Variants in CYP2J2 observed in about 807,000 individuals in gnomAD.
CYP2J2 encodes cytochrome P450 2J2.
A neutral mutation model predicts 48.8 loss-of-function variants in CYP2J2; 41 were observed. The ratio of observed to expected loss-of-function variants is 0.84; its 90% CI spans 0.66 to 1.09. The LOEUF (loss-of-function observed/expected upper bound fraction) is 1.09, where lower values mean the gene tolerates loss of function less well. Among genes scored for constraint, CYP2J2 ranks in the 50% least tolerant of loss-of-function variants. The pLI is 0.00. For synonymous variants in CYP2J2, 221 were observed against 227.1 expected (o/e 0.97, Z 0.24); for missense variants, 644 against 617.3 (o/e 1.04, Z -0.46).
the CYP2J2 span, among the ~76,000 whole-genome samples, chr1:59,967,220 C>A: frequency 1.3e-5 from 2 of 152,274 alleles, no homozygotes; most frequent in South Asian, 4.2e-4. Flanking sequence ...AGGAACAAAT[C>A]TCCAGGCCAT....
intron 8 of CYP2J2, among the ~76,000 whole-genome samples, chr1:59,896,201 A>G (rs1276464502): frequency 1.3e-5 from 2 of 152,066 alleles, no homozygotes; most frequent in African/African-American, 4.8e-5. Flanking sequence ...ATTGCTCTCC[A>G]GATGTTGTTG....
the CYP2J2 span, among the ~76,000 whole-genome samples, chr1:59,949,601 C>T: frequency 2.0e-5 from 3 of 151,928 alleles, no homozygotes; most frequent in Non-Finnish European, 4.4e-5. Flanking sequence ...TCCATAAAGT[C>T]TCAAACAATT....
chr1:59,922,167 C>T (rs1252470875), intron 1 of CYP2J2, among the ~76,000 whole-genome samples: 2 of 152,194 alleles, frequency 1.3e-5, no homozygotes, highest in Non-Finnish European at 2.9e-5. Flanking sequence ...GCACTGCAGG[C>T]TGCTGGCCAG....
chr1:59,901,223 C>G, intron 7 of CYP2J2, 120 bp from the exon 8 acceptor site: 1 of 991,130 alleles, frequency 1.0e-6, no homozygotes, highest in Non-Finnish European at 1.5e-6. Context: ...CCACCCTCCC[C>G]AATTGTGGTA....
intron 1 of CYP2J2, among the ~76,000 whole-genome samples, chr1:59,925,937 C>T (rs1342219389): frequency 6.6e-6 from 1 of 152,148 alleles, no homozygotes; most frequent in Non-Finnish European, 1.5e-5. Flanking sequence ...TCACCAGAGT[C>T]GGGGAGCCCT....
At chr1:59,916,994 T>C (rs1644471933) in intron 1 of CYP2J2, among the ~76,000 whole-genome samples, 2 of 151,988 alleles carry the variant, frequency 1.3e-5, no homozygotes, top group Non-Finnish European at 2.9e-5. Flanking sequence ...TAATACGAGG[T>C]GCATTTTAGG....
At chr1:59,955,279 CAT>C in the CYP2J2 span, among the ~76,000 whole-genome samples, 298 of 103,966 alleles carry the variant, frequency 2.9e-3, 1 homozygote, top group African/African-American at 9.1e-3. Context: ...TATATATATC[CAT>C]ATATATATAT....
rs1644364384 is a variant in CYP2J2 at position 59,906,330 on chromosome 1, G to C, written c.1004-1272C>G. On this transcript the variant is annotated intron_variant, in intron 6 of 8. Coordinates refer to ENST00000371204, the MANE Select transcript of CYP2J2 (RefSeq NM_000775.4). ...TCCTTCCCCCTTTTGCTTCCTACTGGTGGAAAGCCTATTGGTGAGCCGTCT... is the reference window on the plus strand; with the variant it reads ...TCCTTCCCCCTTTTGCTTCCTACTGCTGGAAAGCCTATTGGTGAGCCGTCT... Among the ~76,000 whole-genome samples the C allele has an allele frequency of 2.6e-5, 4 of 152,232 alleles. No homozygotes were observed. The South Asian group carries it at 8.3e-4, about 32-fold the overall frequency.
At chr1:59,955,624 T>A in the CYP2J2 span, among the ~76,000 whole-genome samples, 1 of 152,060 alleles carries the variant, frequency 6.6e-6, no homozygotes, top group Non-Finnish European at 1.5e-5. Context: ...ACATCACCAA[T>A]GAGGGACACA....
the CYP2J2 span, among the ~76,000 whole-genome samples, chr1:59,933,594 C>CT: frequency 2.0e-5 from 3 of 152,042 alleles, no homozygotes; most frequent in Non-Finnish European, 2.9e-5. Context: ...TGTGTGGAAT[C>CT]TTTAGAGTTT....
the CYP2J2 span, among the ~76,000 whole-genome samples, chr1:59,969,088 G>A: frequency 2.0e-5 from 3 of 152,208 alleles, no homozygotes; most frequent in African/African-American, 4.8e-5. Flanking sequence ...GAGTGAAGCT[G>A]CAGACCTTCG....
chr1:59,963,740 T>C, the CYP2J2 span, among the ~76,000 whole-genome samples: 2 of 152,170 alleles, frequency 1.3e-5, no homozygotes, highest in African/African-American at 4.8e-5. Context: ...GCCTCAAGTG[T>C]AGCCCTGGAT....
chr1:59,900,307 C>T (rs1383861897), intron 8 of CYP2J2, among the ~76,000 whole-genome samples: 2 of 152,142 alleles, frequency 1.3e-5, no homozygotes, highest in Non-Finnish European at 2.9e-5. Context: ...TTAAAAAGAA[C>T]TGAGGACATT....
rs759364370 is a variant in CYP2J2 at position 59,909,873 on chromosome 1, C to G, written c.772G>C (p.Val258Leu). 2.4e-5 allele frequency: 38 copies of G among 1,612,112 alleles called. No individual in the cohort carries two copies. The highest frequency in any genetic ancestry group is 3.1e-5 in the Non-Finnish European group (37 of 1,179,162). ...FSNWKKLKLF[V>L]SHMIDKHRKD... ...CTGTGTTTGTCAATCATATGAGAAA[C>G]AAACAATTTCAGTTTTTTCCAGTTG... Residue 258 changes from valine to leucine, a missense_variant, in exon 5 of 9, where the codon GTT becomes CTT. Transcript: ENST00000371204.
At position 59,901,022 on chromosome 1, in the gene CYP2J2, G is replaced by A; in HGVS notation, c.1273C>T (p.His425Tyr). The A allele has an allele frequency of 1.2e-6, 2 of 1,614,142 alleles. No homozygotes were observed. Among genetic ancestry groups the A allele is most frequent in the East Asian group, 4.5e-5 (2 of 44,872 alleles). Reference protein sequence around the residue: ...WATPDTFNPDHFLENGQFKKR... With the variant: ...WATPDTFNPDYFLENGQFKKR... ...TTAAACTGTCCATTCTCCAGAAAAT[G>A]GTCCGGATTGAATGTGTCAGGGGTG... The change falls in exon 8 of 9, where the codon CAT (histidine) becomes TAT (tyrosine). Residue 425 changes from histidine (H) to tyrosine (Y), a missense_variant. Coordinates refer to ENST00000371204, the MANE Select transcript of CYP2J2 (RefSeq NM_000775.4).
intron 8 of CYP2J2, among the ~76,000 whole-genome samples, chr1:59,899,591 A>T (rs975993410): frequency 1.3e-5 from 2 of 152,184 alleles, no homozygotes; most frequent in Non-Finnish European, 2.9e-5. Flanking sequence ...GGGTCTGTGT[A>T]GTATTTAGTT....
At chr1:59,958,329 T>C in the CYP2J2 span, among the ~76,000 whole-genome samples, 2 of 152,210 alleles carry the variant, frequency 1.3e-5, no homozygotes, top group East Asian at 3.8e-4. Flanking sequence ...TCACAGTTTA[T>C]TATCAACAAA....
At chr1:59,927,579 A>G (rs1413115294), upstream of CYP2J2, among the ~76,000 whole-genome samples, 1 of 151,988 alleles carries the variant, frequency 6.6e-6, no homozygotes, top group Non-Finnish European at 1.5e-5. Context: ...TCTGCTTACA[A>G]TATTTTATTT....
chr1:59,935,503 TCA>T, the CYP2J2 span, among the ~76,000 whole-genome samples: 2 of 152,190 alleles, frequency 1.3e-5, no homozygotes, highest in Non-Finnish European at 2.9e-5. Flanking sequence ...TATCAAAGCA[TCA>T]CATTGTTCAC....
Sources: gnomAD v4.1 joint callset for allele counts (sites outside exome capture counted in the v4.1 genomes callset) on GRCh38, gnomAD v4.1.1 for gene constraint, MANE v1.5 for transcripts, NCBI Gene and HGNC (gene_info 2026-07-23, HGNC 2026-07-21) for gene names.